The following SLC38A6 variants were observed in gnomAD, a reference collection of about 807,000 sequenced individuals.
The protein encoded by SLC38A6 is solute carrier family 38 member 6, also known as N system amino acid transporter NAT-1.
A neutral mutation model predicts 65.0 loss-of-function variants in SLC38A6; 73 were observed. That is an observed-to-expected ratio of 1.12 (90% CI 0.93 to 1.37). The LOEUF (loss-of-function observed/expected upper bound fraction) is 1.37, where lower values mean the gene tolerates loss of function less well. Ranked by LOEUF, SLC38A6 falls within the 40% of genes most tolerant of loss-of-function variation. The pLI is 0.00. For missense variants in SLC38A6, 561 were observed against 531.1 expected (o/e 1.06, Z -0.55); for synonymous variants, 183 against 178.8 (o/e 1.02, Z -0.19).
At chr14:61,013,150 G>A (rs1220285206) in intron 3 of SLC38A6, among the ~76,000 whole-genome samples, 1 of 152,082 alleles carries the variant, frequency 6.6e-6, no homozygotes, top group African/African-American at 2.4e-5. Flanking sequence ...GGCCTTCTTT[G>A]TCTCTTTTTA....
chr14:61,027,136 C>T (rs1357020871), intron 5 of SLC38A6, among the ~76,000 whole-genome samples: 3 of 152,042 alleles, frequency 2.0e-5, no homozygotes, highest in Non-Finnish European at 4.4e-5. Context: ...TCTGTGTTTT[C>T]AGTTGACAGA....
rs1471876557 is a variant in SLC38A6, at chr14:60,987,908, T to C, written c.310+3105T>C. On this transcript the variant is annotated intron_variant, in intron 3 of 15. Coordinates refer to ENST00000267488, the MANE Select transcript of SLC38A6 (RefSeq NM_153811.3). ...TGAGACCATTTGGATTATGACATTA[T>C]ACCATCTATCTCAATTTGTGTTAGT... 2.6e-5 allele frequency among the ~76,000 whole-genome samples: 4 copies of C among 152,370 alleles called. No individual in the cohort carries two copies. In the East Asian group the frequency reaches 7.7e-4, roughly 29 times the overall value.
Position 61,050,524 on chromosome 14 carries a change from CAG to C in SLC38A6, c.940_941del (p.Glu314IlefsTer6). 2.0e-6 allele frequency: 3 copies of C among 1,528,572 alleles called. No individual in the cohort carries two copies. The highest frequency in any genetic ancestry group is 1.8e-6 in the Non-Finnish European group (2 of 1,117,276). 94.7% of individuals were successfully genotyped at this position (1,528,572 alleles called of 1,614,324 possible). The stretch of plus-strand genomic sequence containing the variant: ...ATTTTATTTACAGACAAAGTGGAGT[CAG>C]AATTACTAAAAGGTTATAGTAAATA... On this transcript the variant is annotated frameshift_variant, in exon 13 of 16. Coordinates refer to ENST00000267488, the MANE Select transcript of SLC38A6 (RefSeq NM_153811.3). LOFTEE classifies it high-confidence loss of function.
At chr14:61,058,047 T>A (rs1213969676) in intron 15 of SLC38A6, among the ~76,000 whole-genome samples, 205 of 133,244 alleles carry the variant, frequency 1.5e-3, no homozygotes, top group African/African-American at 2.9e-3. Flanking sequence ...GTCTATCAAT[T>A]TTGTTGATAC....
In SLC38A6 at chr14:61,008,688, CATTT is replaced by C. The variant is rs111633445; in HGVS notation, c.311-7212_311-7209del. 3.4e-3 allele frequency among the ~76,000 whole-genome samples: 519 copies of C among 152,200 alleles called. 6 individuals carry two copies. Among genetic ancestry groups the C allele is most frequent in the African/African-American group, 0.012 (495 of 41,544 alleles). ...TTAATTTTCATCTTTTCTGTGACCA[CATTT>C]ATTAAACATGTGACATGAAAATGGA... On this transcript the variant is annotated intron_variant, in intron 3 of 15. Transcript: ENST00000267488.
chr14:61,037,225 A>G, intron 7 of SLC38A6, 84 bp downstream of exon 7: 1 of 1,007,324 alleles, frequency 9.9e-7, no homozygotes, highest in East Asian at 2.5e-5. Context: ...AAGGGGCTTT[A>G]AAATTTCACA....
chr14:61,066,274 G>T (rs1260424148), intron 15 of SLC38A6, among the ~76,000 whole-genome samples: 3 of 152,114 alleles, frequency 2.0e-5, no homozygotes, highest in South Asian at 2.1e-4. Flanking sequence ...TGTGGACATG[G>T]TTTCTTTATT....
intron 15 of SLC38A6, among the ~76,000 whole-genome samples, chr14:61,072,702 A>G (rs1242062569): frequency 6.6e-6 from 1 of 152,236 alleles, no homozygotes; most frequent in Non-Finnish European, 1.5e-5. Context: ...GTTGCAAATG[A>G]AAAGATCTCA....
intron 3 of SLC38A6, among the ~76,000 whole-genome samples, chr14:61,006,148 C>T (rs1486397490): frequency 6.6e-6 from 1 of 152,098 alleles, no homozygotes; most frequent in Non-Finnish European, 1.5e-5. Context: ...AAACTGGATC[C>T]CTTCCTTACA....
intron 3 of SLC38A6, among the ~76,000 whole-genome samples, chr14:61,001,584 G>A (rs1446363416): frequency 6.6e-6 from 1 of 152,170 alleles, no homozygotes; most frequent in Non-Finnish European, 1.5e-5. Flanking sequence ...TTCTTCCCTA[G>A]TTTTATCGCA....
At chr14:61,054,318 G>A (rs1295992929), downstream of SLC38A6, among the ~76,000 whole-genome samples, 1 of 152,112 alleles carries the variant, frequency 6.6e-6, no homozygotes, top group Non-Finnish European at 1.5e-5. Flanking sequence ...GATGCCTCCA[G>A]CTTTGTTCTT....
intron 15 of SLC38A6, among the ~76,000 whole-genome samples, chr14:61,064,372 C>T (rs549827611): frequency 6.6e-6 from 1 of 152,116 alleles, no homozygotes; most frequent in Admixed American, 6.6e-5. Flanking sequence ...GCAACAGATG[C>T]AAGGATGCCC....
At chr14:61,075,272 G>A (rs1416865744) in intron 15 of SLC38A6, among the ~76,000 whole-genome samples, 1 of 152,198 alleles carries the variant, frequency 6.6e-6, no homozygotes, top group African/African-American at 2.4e-5. Context: ...AATACCTTGT[G>A]TGAACAGAAT....
chr14:60,991,698 C>T (rs2037902344), intron 3 of SLC38A6, among the ~76,000 whole-genome samples: 1 of 152,134 alleles, frequency 6.6e-6, no homozygotes, highest in Admixed American at 6.6e-5. Context: ...CAAATCTTAC[C>T]TCTTCTGTGA....
At chr14:61,022,149 C>T (rs920152691) in intron 5 of SLC38A6, among the ~76,000 whole-genome samples, 7 of 151,994 alleles carry the variant, frequency 4.6e-5, no homozygotes, top group Admixed American at 1.3e-4. Context: ...TATTTTATTA[C>T]AGGAAAGTTC....
intron 3 of SLC38A6, among the ~76,000 whole-genome samples, chr14:60,989,398 T>C (rs2037694462): frequency 6.6e-6 from 1 of 152,160 alleles, no homozygotes; most frequent in Admixed American, 6.5e-5. Flanking sequence ...TGAATATGCC[T>C]CATGTCTTCA....
intron 3 of SLC38A6, among the ~76,000 whole-genome samples, chr14:60,987,958 T>G (rs770434850): frequency 1.4e-4 from 22 of 152,224 alleles, no homozygotes; most frequent in Non-Finnish European, 2.4e-4. Flanking sequence ...TAGGTTATCT[T>G]TCATTTCTCA....
intron 7 of SLC38A6, 66 bp downstream of exon 7, chr14:61,037,207 C>T: frequency 8.2e-7 from 1 of 1,225,640 alleles, no homozygotes; most frequent in South Asian, 1.5e-5. Flanking sequence ...GAAAGAGAGA[C>T]AAATATTAAG....
At chr14:61,078,729 A>G (rs1184019136) in intron 15 of SLC38A6, 2 of 96,686 alleles carry the variant, frequency 2.1e-5, no homozygotes, top group African/African-American at 4.2e-5. Flanking sequence ...GACCTCTGGC[A>G]TCTTTTTTTT....
Sources: gnomAD v4.1 joint callset for allele counts (sites outside exome capture counted in the v4.1 genomes callset) on GRCh38, gnomAD v4.1.1 for gene constraint, MANE v1.5 for transcripts, NCBI Gene and HGNC (gene_info 2026-07-23, HGNC 2026-07-21) for gene names.